GNAL: variants seen among roughly 807,000 people sequenced by gnomAD.
GNAL encodes guanine nucleotide-binding protein G(olf) subunit alpha.
A neutral mutation model predicts 55.1 loss-of-function variants in GNAL; 18 were observed. The ratio of observed to expected loss-of-function variants is 0.33; its 90% confidence interval spans 0.23 to 0.48. GNAL has a LOEUF of 0.48. Ranked by LOEUF, GNAL falls within the 20% of genes least tolerant of loss-of-function variation. The pLI is 0.99. For synonymous variants in GNAL, 253 were observed against 237.0 expected (o/e 1.07, Z -0.62); for missense variants, 412 against 614.1 (o/e 0.67, Z 3.48).
chr18:11,757,364 A>G (rs1472605794), intron 4 of GNAL, among the ~76,000 whole-genome samples: 2 of 152,114 alleles, frequency 1.3e-5, no homozygotes, highest in Non-Finnish European at 2.9e-5. Flanking sequence ...GAGCCATGAG[A>G]TCTCATTGTG....
intron 4 of GNAL, among the ~76,000 whole-genome samples, chr18:11,769,617 G>A (rs1348631229): frequency 6.6e-6 from 1 of 152,140 alleles, no homozygotes; most frequent in Admixed American, 6.5e-5. Flanking sequence ...ACACATGCAC[G>A]TAATTACTTA....
chr18:11,768,016 G>A (rs918044186), intron 4 of GNAL, among the ~76,000 whole-genome samples: 2 of 152,162 alleles, frequency 1.3e-5, no homozygotes, highest in Non-Finnish European at 2.9e-5. Context: ...AACAAGGCTA[G>A]ACTTATTTAG....
chr18:11,783,438 A>T (rs1024870261), intron 4 of GNAL, among the ~76,000 whole-genome samples: 8 of 152,174 alleles, frequency 5.3e-5, no homozygotes, highest in Non-Finnish European at 7.4e-5. Context: ...TAATCGGAAG[A>T]AAAAAATTAT....
intron 4 of GNAL, 23 bp downstream of exon 4, chr18:11,753,968 T>G: frequency 6.4e-7 from 1 of 1,559,670 alleles, no homozygotes; most frequent in Non-Finnish European, 8.8e-7. Flanking sequence ...TACTGAAATA[T>G]TCTAACTAGT....
chr18:11,789,379 A>T (rs1285553390), intron 4 of GNAL, among the ~76,000 whole-genome samples: 2 of 152,238 alleles, frequency 1.3e-5, no homozygotes, highest in Non-Finnish European at 2.9e-5. Context: ...AGCCCCAGCA[A>T]CTGTCCTCTA....
At chr18:11,750,145 G>C (rs1424056857) in intron 1 of GNAL, among the ~76,000 whole-genome samples, 2 of 152,230 alleles carry the variant, frequency 1.3e-5, no homozygotes, top group East Asian at 3.8e-4. Context: ...GACCCAACGG[G>C]ATGCGGTAAC....
At chr18:11,859,227 T>A (rs1045823821) in intron 5 of GNAL, among the ~76,000 whole-genome samples, 3 of 152,200 alleles carry the variant, frequency 2.0e-5, no homozygotes, top group African/African-American at 7.2e-5. Flanking sequence ...GTTGCGACCA[T>A]TTCTGATTAC....
chr18:11,720,667 A>C (rs1485243707), intron 1 of GNAL, among the ~76,000 whole-genome samples: 1 of 152,214 alleles, frequency 6.6e-6, no homozygotes, highest in African/African-American at 2.4e-5. Context: ...CTTCCAATTG[A>C]AGTTGAAGTG....
At chr18:11,851,866 G>A (rs776188158) in intron 5 of GNAL, 2 of 1,613,924 alleles carry the variant, frequency 1.2e-6, no homozygotes, top group Non-Finnish European at 1.7e-6. Flanking sequence ...GGACAAATTC[G>A]AGCACCAGTT....
intron 4 of GNAL, among the ~76,000 whole-genome samples, chr18:11,817,451 G>A (rs536347167): frequency 3.9e-5 from 6 of 152,268 alleles, no homozygotes; most frequent in African/African-American, 1.2e-4. Context: ...CTGGGCACTC[G>A]GTAAATGCTA....
chr18:11,692,736 G>A (rs1033123824), intron 1 of GNAL, among the ~76,000 whole-genome samples: 1 of 151,908 alleles, frequency 6.6e-6, no homozygotes, highest in Admixed American at 6.6e-5. Flanking sequence ...GGGTAGCATA[G>A]TAAAACCCCA....
intron 4 of GNAL, among the ~76,000 whole-genome samples, chr18:11,769,714 A>G (rs2033573463): frequency 6.6e-6 from 1 of 152,240 alleles, no homozygotes; most frequent in Non-Finnish European, 1.5e-5. Context: ...GTTTATGGCA[A>G]AAAGATAAAC....
intron 3 of GNAL, 68 bp downstream of exon 3, chr18:11,753,750 CAG>C (rs1287076424): frequency 1.0e-5 from 15 of 1,478,744 alleles, no homozygotes; most frequent in Admixed American, 5.0e-5. Context: ...ACTGTGTAGA[CAG>C]AAATTACATA....
chr18:11,752,706 G>A lies in GNAL; in HGVS notation c.377-147G>A. The A allele has an allele frequency of 1.7e-6, 2 of 1,178,802 alleles. No homozygotes were observed. The highest frequency in any genetic ancestry group is 3.4e-5 in the South Asian group (2 of 59,036). The allele number at this position is 1,178,802 out of a possible 1,614,324, so 73.0% of individuals were successfully genotyped here. A position where few individuals can be genotyped will look rare whatever the true frequency, so the allele number is the denominator to read the frequency against. ...CACCTCTGGGCCGCGGAGCCCAGACGGCGGCCGGGGCGAGCTCCTCCAGCC... is the reference window on the plus strand; with the variant it reads ...CACCTCTGGGCCGCGGAGCCCAGACAGCGGCCGGGGCGAGCTCCTCCAGCC... On this transcript the variant is annotated intron_variant, in intron 1 of 11. Coordinates refer to ENST00000334049, the MANE Select transcript of GNAL (RefSeq NM_182978.4). The surrounding 1 kb of genome is among the most constrained non-coding windows in gnomAD (Gnocchi z 4.5).
Position 11,881,409 on chromosome 18 carries a change from T to C in GNAL, c.*274T>C. 5.4e-6 allele frequency: 2 copies of C among 370,910 alleles called. No homozygotes were observed. The allele number at this position is 370,910 out of a possible 1,614,324, so 23.0% of individuals were successfully genotyped here. A position where few individuals can be genotyped will look rare whatever the true frequency, so the allele number is the denominator to read the frequency against. On this transcript the variant is annotated 3_prime_UTR_variant, in exon 12 of 12. Coordinates refer to ENST00000334049, the MANE Select transcript of GNAL (RefSeq NM_182978.4). This position sits in a 1 kb window ranked among gnomAD's most constrained non-coding sequence, Gnocchi z 4.8. ...ATCTCTCCGGGTGGGAGCCCCATTATTCATTCTCCCTTTATTGATTCATCG... is the reference window on the plus strand; with the variant it reads ...ATCTCTCCGGGTGGGAGCCCCATTACTCATTCTCCCTTTATTGATTCATCG...
chr18:11,748,496 T>C (rs926869900), intron 1 of GNAL, among the ~76,000 whole-genome samples: 1 of 149,906 alleles, frequency 6.7e-6, no homozygotes, highest in Non-Finnish European at 1.5e-5. Flanking sequence ...ATATTATTAA[T>C]ATATTAACTT....
intron 5 of GNAL, among the ~76,000 whole-genome samples, chr18:11,829,767 T>C (rs1367751421): frequency 6.6e-6 from 1 of 152,156 alleles, no homozygotes; most frequent in African/African-American, 2.4e-5. Context: ...CCCAGCACTT[T>C]GGGAGGCCGA....
At chr18:11,833,861 C>T (rs1012205692) in intron 5 of GNAL, among the ~76,000 whole-genome samples, 2 of 152,184 alleles carry the variant, frequency 1.3e-5, no homozygotes, top group African/African-American at 4.8e-5. Context: ...TCACACGGAA[C>T]TGTATGGAAT....
chr18:11,736,845 T>C (rs1165640632), intron 1 of GNAL, among the ~76,000 whole-genome samples: 1 of 152,198 alleles, frequency 6.6e-6, no homozygotes, highest in Non-Finnish European at 1.5e-5. Context: ...GTAGCAACAT[T>C]TGTAGTTATG....
Sources: allele counts gnomAD v4.1 joint callset (sites outside exome capture counted in the v4.1 genomes callset), GRCh38; gene constraint gnomAD v4.1.1; non-coding constraint Gnocchi (gnomAD v3.1); transcripts MANE v1.5; gene names NCBI Gene and HGNC (gene_info 2026-07-23, HGNC 2026-07-21).